Variants in RPS28 observed in about 807,000 individuals in gnomAD.
RPS28 encodes the protein ribosomal protein S28.
In RPS28, 2 loss-of-function variants were observed where a neutral mutation model predicts 9.4. The observed-to-expected ratio is 0.21, with a 90% CI of 0.09 to 0.67. The LOEUF (loss-of-function observed/expected upper bound fraction) is 0.67. RPS28 is among the 30% of genes least tolerant of loss of function. The pLI, the probability that RPS28 is intolerant of heterozygous loss-of-function variation, is 0.82. For synonymous variants in RPS28, 41 were observed against 37.8 expected, an observed-to-expected ratio of 1.08 and a Z score of -0.31; for missense variants, 35 against 95.3, an observed-to-expected ratio of 0.37 and a Z score of 2.63.
At position 8,323,115 on chromosome 19, in the gene RPS28, G is replaced by C. The variant is rs1456750754; in HGVS notation, c.*860G>C. 3 of 448,318 alleles carry C rather than the reference G, an allele frequency of 6.7e-6. No individual in the cohort carries two copies. Among genetic ancestry groups the C allele is most frequent in the African/African-American group, 6.1e-5 (3 of 48,792 alleles). 27.8% of individuals were successfully genotyped at this position (448,318 alleles called of 1,614,324 possible). On this transcript the variant is annotated 3_prime_UTR_variant, in exon 4 of 4. Coordinates refer to ENST00000600659, the MANE Select transcript of RPS28 (RefSeq NM_001031.5). ...TCCCACATCCCTTCCAGTGGGGTGAGTACAGGTGTTCCTCAGTTTACAATG... is the reference window on the plus strand; with the variant it reads ...TCCCACATCCCTTCCAGTGGGGTGACTACAGGTGTTCCTCAGTTTACAATG...
rs774047749 is a variant in RPS28 at position 8,322,851 on chromosome 19, G to T, written c.*596G>T. The T allele has an allele frequency of 2.5e-6, 4 of 1,602,340 alleles. No homozygotes were observed. Among genetic ancestry groups the T allele is most frequent in the Non-Finnish European group, 3.4e-6 (4 of 1,174,828 alleles). On this transcript the variant is annotated 3_prime_UTR_variant, in exon 4 of 4. Transcript: ENST00000600659. Reference sequence around the variant, plus strand: ...CAGACGAGGCAGCTTACTGAACCTGGGGGTTCTCTCCATTGTCACCGCATT... The same window carrying T: ...CAGACGAGGCAGCTTACTGAACCTGTGGGTTCTCTCCATTGTCACCGCATT...
rs1256394794 is a variant in RPS28, at chr19:8,321,538, C to G, written c.8C>G (p.Thr3Ser). ...CGCCGCCGCGCCGCCATCATGGACA[C>G]CAGCCGTGTGCAGCCTATCAAGCTG... The part of the protein sequence containing the change: MD[T>S]SRVQPIKLAR... The change falls in exon 1 of 4, where the codon ACC (threonine) becomes AGC (serine). Residue 3 changes from threonine to serine, a missense_variant. Thr to Ser is a moderately conservative substitution (Grantham distance 58, BLOSUM62 1). Coordinates refer to ENST00000600659, the MANE Select transcript of RPS28 (RefSeq NM_001031.5). 6.3e-6 allele frequency: 10 copies of G among 1,588,034 alleles called. No individual in the cohort carries two copies. The highest frequency in any genetic ancestry group is 5.4e-5 in the African/African-American group (4 of 74,380).
Position 8,322,974 on chromosome 19 carries a change from A to C in RPS28, c.*719A>C. ...CTGCTGCAATCTCCTTGAGGCAGGA[A>C]ACGTGGGATTCAGCCCCAGCCTCAC... On this transcript the variant is annotated 3_prime_UTR_variant, in exon 4 of 4. Coordinates refer to ENST00000600659, the MANE Select transcript of RPS28 (RefSeq NM_001031.5). The C allele has an allele frequency of 9.4e-7, 1 of 1,063,800 alleles. No homozygotes were observed. The highest frequency in any genetic ancestry group is 1.3e-6 in the Non-Finnish European group (1 of 746,724). The allele number at this position is 1,063,800 out of a possible 1,614,324, so 65.9% of individuals were successfully genotyped here.
At chr19:8,322,222 GC>G in intron 3 of RPS28, 49 bp from the exon 4 acceptor site, 1 of 1,021,526 alleles carries the variant, frequency 9.8e-7, no homozygotes, top group Non-Finnish European at 1.5e-6. Flanking sequence ...GCGGGAGTTT[GC>G]CAATTGCTGC....
At chr19:8,321,907 C>T (rs1392782867) in intron 2 of RPS28, 46 bp from the exon 3 acceptor site, 4 of 1,606,034 alleles carry the variant, frequency 2.5e-6, no homozygotes, top group Non-Finnish European at 3.4e-6. Context: ...GGTGCCTTTC[C>T]GCGGCCCGCC....
chr19:8,322,670 GC>G lies in RPS28; in HGVS notation c.*417del. 1.6e-6 allele frequency: 1 copy of G among 607,218 alleles called. No individual in the cohort carries two copies. Among genetic ancestry groups the G allele is most frequent in the Non-Finnish European group, 2.9e-6 (1 of 342,366 alleles). The allele number at this position is 607,218 out of a possible 1,614,324, so 37.6% of individuals were successfully genotyped here. ...TTGGTCCCCACCTCACCTTGGTGGG[GC>G]CAGAGTGAGCCCCTTCCTGCCACAG... On this transcript the variant is annotated 3_prime_UTR_variant, in exon 4 of 4. Transcript: ENST00000600659.
Position 8,322,531 on chromosome 19 carries a change from G to T in RPS28, c.*276G>T, listed in dbSNP as rs1970335735. ...CCAAACGAAGCTTTTCCTTTTTGAG[G>T]CGGGGGGTCGTGTTTGTCGATTGCA... On this transcript the variant is annotated 3_prime_UTR_variant, in exon 4 of 4. Transcript: ENST00000600659. 1 of 491,800 alleles carries T rather than the reference G, an allele frequency of 2.0e-6. No individual in the cohort carries two copies. The highest frequency in any genetic ancestry group is 3.1e-5 in the Admixed American group (1 of 32,246). The allele number at this position is 491,800 out of a possible 1,614,324, so 30.5% of individuals were successfully genotyped here. A position where few individuals can be genotyped will look rare whatever the true frequency, so the allele number is the denominator to read the frequency against.
At position 8,321,536 on chromosome 19, in the gene RPS28, C is replaced by G; in HGVS notation, c.6C>G (p.Asp2Glu). The G allele has an allele frequency of 6.3e-7, 1 of 1,587,500 alleles. No homozygotes were observed. Among genetic ancestry groups the G allele is most frequent in the Non-Finnish European group, 8.6e-7 (1 of 1,168,824 alleles). The change falls in exon 1 of 4, where the codon GAC (aspartate) becomes GAG (glutamate). Residue 2 changes from aspartate to glutamate, a missense_variant. By Grantham distance (45) the Asp-to-Glu change is conservative (BLOSUM62 2). Transcript: ENST00000600659. The stretch of plus-strand genomic sequence containing the variant: ...ACCGCCGCCGCGCCGCCATCATGGA[C>G]ACCAGCCGTGTGCAGCCTATCAAGC... M[D>E]TSRVQPIKLA...
intron 3 of RPS28, 33 bp downstream of exon 3, chr19:8,322,124 C>T (rs2145404915): frequency 6.2e-7 from 1 of 1,601,886 alleles, no homozygotes; most frequent in Non-Finnish European, 8.5e-7. Flanking sequence ...TTTGATAGAC[C>T]TTTGGTTGGT....
At chr19:8,321,740 C>T (rs1970319305) in intron 2 of RPS28, 37 bp downstream of exon 2, 1 of 1,546,458 alleles carries the variant, frequency 6.5e-7, no homozygotes, top group East Asian at 2.3e-5. Context: ...CTGCCGGCGA[C>T]CTAAACCCTG....
Position 8,321,937 on chromosome 19 carries a change from C to G in RPS28, c.88-16C>G. On this transcript the variant is annotated splice_polypyrimidine_tract_variant and intron_variant, in intron 2 of 3. Transcript: ENST00000600659. ...CCCGCCCTTACTTCTTCCTCCACTC[C>G]GGTGGGGACCCGTAGGTGCGCGTGG... is the stretch of plus-strand genomic sequence containing the variant. 1 of 1,611,330 alleles carries G rather than the reference C, an allele frequency of 6.2e-7. No homozygotes were observed. The highest frequency in any genetic ancestry group is 8.5e-7 in the Non-Finnish European group (1 of 1,179,136).
intron 1 of RPS28, 34 bp from the exon 2 acceptor site, chr19:8,321,622 C>G: frequency 1.3e-6 from 2 of 1,558,820 alleles, no homozygotes; most frequent in East Asian, 2.3e-5. Context: ...AGGAGCCAAA[C>G]GGGCCGGGTC....
chr19:8,321,820 G>A (rs1054777856), intron 2 of RPS28, 117 bp downstream of exon 2: 2 of 1,494,654 alleles, frequency 1.3e-6, no homozygotes, highest in Admixed American at 2.0e-5. Context: ...TCATCACGGG[G>A]TTCTGATGGT....
In RPS28 at chr19:8,321,560, G is replaced by A. The variant is rs1306389180; in HGVS notation, c.30G>A (p.Lys10=). 4 of 1,585,268 alleles carry A rather than the reference G, an allele frequency of 2.5e-6. No individual in the cohort carries two copies. Among genetic ancestry groups the A allele is most frequent in the East Asian group, 2.3e-5 (1 of 43,834 alleles). MDTSRVQPI[K]LARVTKVLGR... is the part of the protein sequence containing the mutation. ...ACACCAGCCGTGTGCAGCCTATCAA[G>A]CTGGCCAGGGTGAGGTGGGGGCCCG... Residue 10 remains lysine, a synonymous_variant, in exon 1 of 4, where the codon AAG becomes AAA. Transcript: ENST00000600659.
At position 8,322,498 on chromosome 19, in the gene RPS28, C is replaced by T. The variant is rs552526935; in HGVS notation, c.*243C>T. On this transcript the variant is annotated 3_prime_UTR_variant, in exon 4 of 4. Transcript: ENST00000600659. ...CCGCACTCTGGAAATCCTGGCCGTG[C>T]GGTCTTGCCAAACGAAGCTTTTCCT... The T allele has an allele frequency of 6.1e-6, 3 of 494,590 alleles. No individual in the cohort carries two copies. The highest frequency in any genetic ancestry group is 1.9e-5 in the African/African-American group (1 of 51,300). 30.6% of individuals were successfully genotyped at this position (494,590 alleles called of 1,614,324 possible). A position where few individuals can be genotyped will look rare whatever the true frequency, so the allele number is the denominator to read the frequency against.
In RPS28 at chr19:8,322,606, A is replaced by G; in HGVS notation, c.*351A>G. The G allele has an allele frequency of 1.8e-6, 1 of 569,918 alleles. No individual in the cohort carries two copies. The highest frequency in any genetic ancestry group is 2.0e-5 in the South Asian group (1 of 49,172). The allele number at this position is 569,918 out of a possible 1,614,324, so 35.3% of individuals were successfully genotyped here. A position where few individuals can be genotyped will look rare whatever the true frequency, so the allele number is the denominator to read the frequency against. ...GCGTAGTAGGAATGTTTTATTAGCA[A>G]AGAAGTTTCAGAGAGTGGGTGGATC... On this transcript the variant is annotated 3_prime_UTR_variant, in exon 4 of 4. Coordinates refer to ENST00000600659, the MANE Select transcript of RPS28 (RefSeq NM_001031.5).
chr19:8,321,989 A>G lies in RPS28; in HGVS notation c.124A>G (p.Ile42Val). 1 of 1,613,052 alleles carries G rather than the reference A, an allele frequency of 6.2e-7. No individual in the cohort carries two copies. Among genetic ancestry groups the G allele is most frequent in the Non-Finnish European group, 8.5e-7 (1 of 1,179,656 alleles). ...VEFMDDTSRS[I>V]IRNVKGPVRE... ...ATTCATGGACGACACGAGCCGATCC[A>G]TCATCCGCAATGTAAAAGGCCCCGT... Residue 42 changes from isoleucine to valine, a missense_variant, in exon 3 of 4, where the codon ATC becomes GTC. Physicochemically the swap from Ile to Val is conservative, Grantham distance 29 (BLOSUM62 3). Around this residue, in one of 2 missense-constraint regions of RPS28, gnomAD observed 10 missense variants for 62.8 expected, o/e 0.16. Transcript: ENST00000600659.
rs768143730 is a variant in RPS28 at position 8,321,506 on chromosome 19, G to C, written c.-25G>C. 8 of 1,572,218 alleles carry C rather than the reference G, an allele frequency of 5.1e-6. No homozygotes were observed. The highest frequency in any genetic ancestry group is 6.9e-6 in the Non-Finnish European group (8 of 1,160,572). On this transcript the variant is annotated 5_prime_UTR_variant, in exon 1 of 4. Transcript: ENST00000600659. The stretch of plus-strand genomic sequence containing the variant: ...TCCCCGAAGCACGTGACTCCTCTCC[G>C]CCAGACCGCCGCCGCGCCGCCATCA...
chr19:8,322,768 T>C lies in RPS28; in HGVS notation c.*513T>C. 8.3e-7 allele frequency: 1 copy of C among 1,204,126 alleles called. No individual in the cohort carries two copies. Among genetic ancestry groups the C allele is most frequent in the South Asian group, 1.3e-5 (1 of 77,718 alleles). 74.6% of individuals were successfully genotyped at this position (1,204,126 alleles called of 1,614,324 possible). A position where few individuals can be genotyped will look rare whatever the true frequency, so the allele number is the denominator to read the frequency against. On this transcript the variant is annotated 3_prime_UTR_variant, in exon 4 of 4. Coordinates refer to ENST00000600659, the MANE Select transcript of RPS28 (RefSeq NM_001031.5). The stretch of plus-strand genomic sequence containing the variant: ...GAGCAGGGGACCCTGGACCCTTCTG[T>C]GCGCCAAAGGCTGAGGTGACTGACG...
Sources: gnomAD v4.1 joint callset for allele counts on GRCh38, gnomAD v4.1.1 for gene constraint, gnomAD v4.1.1 regional missense constraint, MANE v1.5 for transcripts, NCBI Gene and HGNC (gene_info 2026-07-23, HGNC 2026-07-21) for gene names.